The following NDNF variants were observed in gnomAD, a reference collection of about 807,000 sequenced individuals.
NDNF encodes protein NDNF.
A neutral mutation model predicts 42.0 loss-of-function variants in NDNF; 16 were observed. The observed-to-expected ratio is 0.38, with a 90% CI of 0.26 to 0.58. The LOEUF (loss-of-function observed/expected upper bound fraction) is 0.58. NDNF is among the 20% of genes least tolerant of loss of function. The pLI, the probability that NDNF is intolerant of heterozygous loss-of-function variation, is 0.67. For missense variants in NDNF, 616 were observed against 666.2 expected (o/e 0.92, Z 0.83); for synonymous variants, 248 against 251.7 (o/e 0.99, Z 0.14).
intron 1 of NDNF, among the ~76,000 whole-genome samples, chr4:121,046,419 C>T (rs1003494929): frequency 5.9e-5 from 9 of 152,214 alleles, no homozygotes; most frequent in South Asian, 4.1e-4. Context: ...TAACTCTCTA[C>T]GTAGTATTAT....
chr4:121,069,418 A>G (rs1727553106), intron 1 of NDNF, among the ~76,000 whole-genome samples: 1 of 152,244 alleles, frequency 6.6e-6, no homozygotes, highest in South Asian at 2.1e-4. Flanking sequence ...CAAGTGATTA[A>G]AAGATGTTTT....
Position 121,036,741 on chromosome 4 carries a change from T to G in NDNF, c.1230A>C (p.Arg410Ser), listed in dbSNP as rs770609274. Residue 410 changes from arginine to serine, a missense_variant, in exon 4 of 4, where the codon AGA becomes AGC. Coordinates refer to ENST00000379692, the MANE Select transcript of NDNF (RefSeq NM_024574.4). ...NVEGIQQFQLRGKPKAKYLVR... is the reference protein window; with the variant it reads ...NVEGIQQFQLSGKPKAKYLVR... ...CGAGGTATTTAGCTTTAGGTTTTCC[T>G]CTAAGCTGAAACTGCTGAATGCCTT... 6.2e-7 allele frequency: 1 copy of G among 1,614,170 alleles called. No individual in the cohort carries two copies. Among genetic ancestry groups the G allele is most frequent in the Admixed American group, 1.7e-5 (1 of 60,012 alleles).
chr4:121,058,376 C>T (rs1422287366), intron 1 of NDNF, among the ~76,000 whole-genome samples: 1 of 152,154 alleles, frequency 6.6e-6, no homozygotes, highest in Admixed American at 6.5e-5. Flanking sequence ...TGTAAAATAA[C>T]TCAGCGGACA....
intron 3 of NDNF, among the ~76,000 whole-genome samples, chr4:121,039,174 G>T (rs79921299): frequency 0.036 from 461 of 12,742 alleles, 19 homozygotes; most frequent in Non-Finnish European, 0.13. Flanking sequence ...TATATATAAA[G>T]ACTATGTGTG....
intron 1 of NDNF, among the ~76,000 whole-genome samples, chr4:121,071,234 C>T (rs1434293179): frequency 6.6e-6 from 1 of 152,058 alleles, no homozygotes; most frequent in Non-Finnish European, 1.5e-5. Context: ...TGGCTGGGGC[C>T]GTAGGGGGCG....
intron 1 of NDNF, among the ~76,000 whole-genome samples, chr4:121,059,032 C>G (rs1317165372): frequency 6.6e-6 from 1 of 152,236 alleles, no homozygotes; most frequent in South Asian, 2.1e-4. Flanking sequence ...CTAGCCTGGG[C>G]ACAGGCTACT....
chr4:121,054,246 A>C (rs146056579), intron 1 of NDNF, among the ~76,000 whole-genome samples: 1 of 152,318 alleles, frequency 6.6e-6, no homozygotes, highest in African/African-American at 2.4e-5. Flanking sequence ...AAAAATATGT[A>C]TCTTAGGAAC....
chr4:121,045,002 A>G (rs942256440), intron 2 of NDNF, among the ~76,000 whole-genome samples: 1 of 152,210 alleles, frequency 6.6e-6, no homozygotes, highest in Non-Finnish European at 1.5e-5. Flanking sequence ...GAAGAATCAT[A>G]CATATTCATG....
At chr4:121,064,135 TTCA>T (rs983796050) in intron 1 of NDNF, among the ~76,000 whole-genome samples, 4 of 152,232 alleles carry the variant, frequency 2.6e-5, no homozygotes, top group Admixed American at 6.5e-5. Flanking sequence ...TTTAAACATT[TTCA>T]TCAATTTTGC....
chr4:121,057,375 A>C (rs1459961886), intron 1 of NDNF, among the ~76,000 whole-genome samples: 1 of 152,196 alleles, frequency 6.6e-6, no homozygotes, highest in East Asian at 1.9e-4. Flanking sequence ...GCAGAAAGAC[A>C]AACACTGGTC....
chr4:121,057,562 A>G (rs1379106573), intron 1 of NDNF, among the ~76,000 whole-genome samples: 3 of 152,172 alleles, frequency 2.0e-5, no homozygotes, highest in African/African-American at 7.2e-5. Flanking sequence ...AGGACACCAG[A>G]TGCTCTGACG....
Position 121,037,387 on chromosome 4 carries a change from G to A in NDNF, c.584C>T (p.Ala195Val). 1.2e-6 allele frequency: 2 copies of A among 1,614,142 alleles called. No individual in the cohort carries two copies. Among genetic ancestry groups the A allele is most frequent in the Non-Finnish European group, 1.7e-6 (2 of 1,180,038 alleles). ...TSLGRTTVTL[A>V]WKPSPTASLL... ...AGAGGCAGTGGGGCTTGGTTTCCAGGCCAAAGTGACCGTGGTGCGCCCCAG... is the reference window on the plus strand; with the variant it reads ...AGAGGCAGTGGGGCTTGGTTTCCAGACCAAAGTGACCGTGGTGCGCCCCAG... The change falls in exon 4 of 4, where the codon GCC becomes GTC. Residue 195 changes from alanine to valine, a missense_variant. Physicochemically the swap from Ala to Val is moderately conservative, Grantham distance 64 (BLOSUM62 0). Transcript: ENST00000379692.
intron 1 of NDNF, among the ~76,000 whole-genome samples, chr4:121,068,921 C>T (rs76611013): frequency 1.3e-5 from 2 of 152,126 alleles, no homozygotes; most frequent in East Asian, 1.9e-4. Flanking sequence ...GTCCTAACGA[C>T]GACAACAAAA....
chr4:121,037,324 T>A lies in NDNF; in HGVS notation c.647A>T (p.Asn216Ile). 6.2e-7 allele frequency: 1 copy of A among 1,614,120 alleles called. No individual in the cohort carries two copies. The highest frequency in any genetic ancestry group is 8.5e-7 in the Non-Finnish European group (1 of 1,180,028). The change falls in exon 4 of 4, where the codon AAC becomes ATC. Residue 216 changes from asparagine to isoleucine, a missense_variant. Asn to Ile is a moderately radical substitution (Grantham distance 149). Coordinates refer to ENST00000379692, the MANE Select transcript of NDNF (RefSeq NM_024574.4). ...GAGACTTTTGAAATTGTGCTCTTTG[T>A]TGATGACCACACAGTACTGAATGGG... ...KQPIQYCVVI[N>I]KEHNFKSLCA...
chr4:121,070,280 C>T (rs980569308), intron 1 of NDNF, among the ~76,000 whole-genome samples: 1 of 152,178 alleles, frequency 6.6e-6, no homozygotes, highest in East Asian at 1.9e-4. Context: ...TATACATATT[C>T]CCTCTCGGAT....
At chr4:121,053,934 C>G (rs1185417851) in intron 1 of NDNF, among the ~76,000 whole-genome samples, 1 of 152,178 alleles carries the variant, frequency 6.6e-6, no homozygotes, top group African/African-American at 2.4e-5. Flanking sequence ...TGAAATTTAG[C>G]TAAGATGGAG....
intron 1 of NDNF, among the ~76,000 whole-genome samples, chr4:121,064,094 A>G (rs1727460309): frequency 6.6e-6 from 1 of 152,224 alleles, no homozygotes; most frequent in Non-Finnish European, 1.5e-5. Flanking sequence ...GTCCAGACAA[A>G]TTAATGTGGC....
At chr4:121,051,771 A>AT (rs949822035) in intron 1 of NDNF, among the ~76,000 whole-genome samples, 5 of 152,170 alleles carry the variant, frequency 3.3e-5, no homozygotes, top group African/African-American at 4.8e-5. Flanking sequence ...AATCTGGCTA[A>AT]TTTTTTTTCC....
At chr4:121,055,713 A>T (rs1314156643) in intron 1 of NDNF, among the ~76,000 whole-genome samples, 1 of 152,200 alleles carries the variant, frequency 6.6e-6, no homozygotes, top group African/African-American at 2.4e-5. Flanking sequence ...AAAAAAATAA[A>T]AAGACTGATT....
Sources: allele counts gnomAD v4.1 joint callset (sites outside exome capture counted in the v4.1 genomes callset), GRCh38; gene constraint gnomAD v4.1.1; transcripts MANE v1.5; gene names NCBI Gene and HGNC (gene_info 2026-07-23, HGNC 2026-07-21).